The following PEBP4 variants were observed in gnomAD, a reference collection of about 807,000 sequenced individuals.
The protein encoded by PEBP4 is phosphatidylethanolamine-binding protein 4.
Under a neutral mutation model 23.9 loss-of-function variants are expected in PEBP4, and 22 were observed. The observed-to-expected ratio is 0.92, with a 90% CI of 0.66 to 1.31. The LOEUF (loss-of-function observed/expected upper bound fraction) is 1.31. Among genes scored for constraint, PEBP4 ranks in the 40% most tolerant of loss-of-function variants. The probability of loss-of-function intolerance (pLI) is 0.00; values close to 1 mark genes in which losing one functional copy is unlikely to be tolerated. For synonymous variants in PEBP4, 112 were observed against 99.3 expected, an observed-to-expected ratio of 1.13 and a Z score of -0.76; for missense variants, 324 against 281.7, an observed-to-expected ratio of 1.15 and a Z score of -1.07.
At chr8:22,799,784 A>G (rs1450869326) in intron 4 of PEBP4, among the ~76,000 whole-genome samples, 1 of 151,962 alleles carries the variant, frequency 6.6e-6, no homozygotes, top group Admixed American at 6.5e-5. Context: ...ATTCCCACCT[A>G]TGAGTGAGAA....
chr8:22,714,711 C>T (rs555629698), intron 6 of PEBP4, among the ~76,000 whole-genome samples: 41 of 151,990 alleles, frequency 2.7e-4, no homozygotes, highest in Non-Finnish European at 5.6e-4. Context: ...GCTCTCAGAA[C>T]CCCACTTGAG....
At chr8:22,881,285 C>T (rs1158811667) in intron 3 of PEBP4, among the ~76,000 whole-genome samples, 1 of 152,202 alleles carries the variant, frequency 6.6e-6, no homozygotes, top group Admixed American at 6.5e-5. Context: ...GTGCCTCTCA[C>T]CCTCTTTTTT....
chr8:22,749,802 A>ATTTTTTTTTTTTTTTTT (rs754912133), intron 4 of PEBP4, among the ~76,000 whole-genome samples: 30 of 41,554 alleles, frequency 7.2e-4, no homozygotes, highest in Non-Finnish European at 1.1e-3. Flanking sequence ...TCAGTTTGTC[A>ATTTTTTTTTTTTTTTTT]TTCTTTTTTT....
At chr8:22,902,714 C>T (rs777223047) in intron 3 of PEBP4, among the ~76,000 whole-genome samples, 2 of 152,198 alleles carry the variant, frequency 1.3e-5, no homozygotes, top group Non-Finnish European at 2.9e-5. Context: ...ACAGCTTCTG[C>T]CCAGGAGGAG....
intron 4 of PEBP4, among the ~76,000 whole-genome samples, chr8:22,772,011 C>T (rs757537986): frequency 3.8e-4 from 58 of 152,346 alleles, no homozygotes; most frequent in Non-Finnish European, 7.1e-4. Context: ...AAGCTGTTTT[C>T]TTCTGCTCTA....
chr8:22,720,378 G>A (rs771990973), intron 6 of PEBP4, among the ~76,000 whole-genome samples: 1 of 152,212 alleles, frequency 6.6e-6, no homozygotes, highest in Non-Finnish European at 1.5e-5. Context: ...AGTGGGCAAG[G>A]CATTGCGGGT....
At chr8:22,724,017 GA>G (rs1804574057) in intron 6 of PEBP4, among the ~76,000 whole-genome samples, 1 of 152,240 alleles carries the variant, frequency 6.6e-6, no homozygotes, top group South Asian at 2.1e-4. Flanking sequence ...CAGCCTGGGG[GA>G]TGTGCTTCTT....
rs61523599 is a variant in PEBP4, at chr8:22,761,806, G to A, written c.358-34586C>T. Among the ~76,000 whole-genome samples the A allele has an allele frequency of 5.3e-5, 8 of 152,018 alleles. No individual in the cohort carries two copies. The East Asian group carries it at 5.8e-4, about 11-fold the overall frequency. ...GTGTTTTTCTGTCTCCTTCTTTCTC[G>A]CTCTCTCTCTTTCTCTCTTTTTTTT... is the stretch of plus-strand genomic sequence containing the variant. On this transcript the variant is annotated intron_variant, in intron 4 of 6. Transcript: ENST00000256404.
At chr8:22,754,869 C>G (rs1205361578) in intron 4 of PEBP4, 3 of 152,282 alleles carry the variant, frequency 2.0e-5, no homozygotes, top group Admixed American at 2.0e-4. Context: ...CTGGGTGAGT[C>G]AGTTCTCCTC....
At chr8:22,855,021 CACACACACACACACACACACACAT>C (rs796731327) in intron 3 of PEBP4, among the ~76,000 whole-genome samples, 1,438 of 64,710 alleles carry the variant, frequency 0.022, 32 homozygotes, top group African/African-American at 0.057. Flanking sequence ...CACACACACA[CACACACACACACACACACACACAT>C]GCACCCCAGG....
intron 6 of PEBP4, among the ~76,000 whole-genome samples, chr8:22,719,455 G>T (rs2128747954): frequency 6.6e-6 from 1 of 152,324 alleles, no homozygotes. Context: ...GGATTCTGAG[G>T]CTCAGCCACA....
chr8:22,834,341 G>C (rs1260773443), intron 3 of PEBP4, among the ~76,000 whole-genome samples: 2 of 152,204 alleles, frequency 1.3e-5, no homozygotes, highest in Non-Finnish European at 2.9e-5. Context: ...GCCGGGTGCT[G>C]CCCCTGGAGC....
In PEBP4 at chr8:22,788,032, G is replaced by C. The variant is rs76196475; in HGVS notation, c.357+29605C>G. 5.3e-5 allele frequency among the ~76,000 whole-genome samples: 8 copies of C among 152,232 alleles called. No homozygotes were observed. The East Asian group carries it at 1.5e-3, about 29-fold the overall frequency. On this transcript the variant is annotated intron_variant, in intron 4 of 6. Transcript: ENST00000256404. ...CTTGGAGCTCTGGCAGAGGAAAAGT[G>C]GGTGTGGCTGGAGGCTTCAGGGATG...
intron 1 of PEBP4, among the ~76,000 whole-genome samples, chr8:22,936,713 T>C (rs1281163938): frequency 6.6e-6 from 1 of 152,122 alleles, no homozygotes; most frequent in South Asian, 2.1e-4. Context: ...AACAAAATAT[T>C]AGCATAGATA....
At chr8:22,878,559 G>C (rs1004980611) in intron 3 of PEBP4, among the ~76,000 whole-genome samples, 4 of 152,180 alleles carry the variant, frequency 2.6e-5, no homozygotes, top group Non-Finnish European at 5.9e-5. Flanking sequence ...ATCACAAAGC[G>C]CAGACAGGTG....
chr8:22,745,363 C>T (rs1805090123), intron 4 of PEBP4, among the ~76,000 whole-genome samples: 1 of 152,126 alleles, frequency 6.6e-6, no homozygotes, highest in African/African-American at 2.4e-5. Context: ...GTGAGCCCTG[C>T]AGGGATGTGG....
chr8:22,877,937 G>GAC (rs60120809), intron 3 of PEBP4: 6,185 of 150,450 alleles, frequency 0.041, 388 homozygotes, highest in African/African-American at 0.14. Context: ...CGCGTGCGCA[G>GAC]ACACACACAC....
intron 3 of PEBP4, among the ~76,000 whole-genome samples, chr8:22,848,934 T>C (rs75985544): frequency 0.011 from 1,680 of 152,338 alleles, 30 homozygotes; most frequent in African/African-American, 0.038. Flanking sequence ...GAGAGCCAGA[T>C]AACCTTACAC....
At chr8:22,754,723 G>C (rs888125288) in intron 4 of PEBP4, 3 of 152,274 alleles carry the variant, frequency 2.0e-5, no homozygotes, top group Non-Finnish European at 4.4e-5. Context: ...TAGGCAGGGA[G>C]TATGGATCAC....
Sources: allele counts gnomAD v4.1 joint callset (sites outside exome capture counted in the v4.1 genomes callset), GRCh38; gene constraint gnomAD v4.1.1; transcripts MANE v1.5; gene names NCBI Gene and HGNC (gene_info 2026-07-23, HGNC 2026-07-21).